Variants in GRM7 observed in about 807,000 individuals in gnomAD.
GRM7 encodes the protein glutamate metabotropic receptor 7, also known as metabotropic glutamate receptor 7.
In GRM7, 35 loss-of-function variants were observed where a neutral mutation model predicts 84.5. The observed-to-expected ratio is 0.41, with a 90% confidence interval of 0.32 to 0.55. GRM7 has a LOEUF of 0.55. GRM7 is among the 20% of genes least tolerant of loss of function. The pLI is 0.19. For synonymous variants in GRM7, 487 were observed against 455.1 expected (o/e 1.07, Z -0.89); for missense variants, 1,003 against 1,194.6 (o/e 0.84, Z 2.36).
intron 1 of GRM7, among the ~76,000 whole-genome samples, chr3:7,136,522 T>C (rs1693777305): frequency 2.0e-5 from 3 of 146,526 alleles, no homozygotes; most frequent in Admixed American, 2.0e-4. Flanking sequence ...GCTTTCTTTC[T>C]CCTACATTCC....
chr3:7,687,253 A>G (rs567223977), intron 9 of GRM7, among the ~76,000 whole-genome samples: 45 of 152,314 alleles, frequency 3.0e-4, no homozygotes, highest in African/African-American at 8.9e-4. Context: ...GTGATGTGTG[A>G]ACTGGCCACA....
At chr3:7,288,908 C>T (rs1278669756) in intron 2 of GRM7, among the ~76,000 whole-genome samples, 1 of 152,124 alleles carries the variant, frequency 6.6e-6, no homozygotes, top group Non-Finnish European at 1.5e-5. Context: ...TTGAAGTTTT[C>T]TGGATGGATC....
chr3:7,244,505 T>G (rs191286397), intron 2 of GRM7, among the ~76,000 whole-genome samples: 47 of 152,256 alleles, frequency 3.1e-4, no homozygotes, highest in Non-Finnish European at 6.5e-4. Context: ...CTGTCCATTT[T>G]TTTTGAAGAC....
chr3:7,032,113 A>G (rs1696210990), intron 1 of GRM7, among the ~76,000 whole-genome samples: 1 of 152,206 alleles, frequency 6.6e-6, no homozygotes, highest in Admixed American at 6.5e-5. Flanking sequence ...GTCAGTCACT[A>G]TGGAAGTTAA....
At chr3:7,324,263 C>G (rs1197321887) in intron 4 of GRM7, among the ~76,000 whole-genome samples, 1 of 152,142 alleles carries the variant, frequency 6.6e-6, no homozygotes, top group African/African-American at 2.4e-5. Flanking sequence ...AATCTAGTTA[C>G]TCTCCTTAGT....
chr3:7,497,296 C>G (rs1430781548), intron 7 of GRM7, among the ~76,000 whole-genome samples: 1 of 152,156 alleles, frequency 6.6e-6, no homozygotes, highest in Non-Finnish European at 1.5e-5. Flanking sequence ...ACATCACAGC[C>G]AAGCTGTCAC....
chr3:7,593,613 G>A (rs1247187157), intron 8 of GRM7, among the ~76,000 whole-genome samples: 2 of 152,172 alleles, frequency 1.3e-5, no homozygotes, highest in Non-Finnish European at 2.9e-5. Context: ...AAATGAAATA[G>A]CAAAAGGAAA....
chr3:7,326,022 A>G (rs887999220), intron 4 of GRM7, among the ~76,000 whole-genome samples: 1 of 152,018 alleles, frequency 6.6e-6, no homozygotes, highest in Non-Finnish European at 1.5e-5. Flanking sequence ...TGTCTAAGAA[A>G]ATAAACTACC....
At chr3:7,335,954 C>T (rs1186839131) in intron 4 of GRM7, among the ~76,000 whole-genome samples, 1 of 152,022 alleles carries the variant, frequency 6.6e-6, no homozygotes, top group Admixed American at 6.6e-5. Flanking sequence ...GGATTCACAG[C>T]TGAATTCTAT....
At chr3:7,504,682 A>G (rs1384076026) in intron 7 of GRM7, among the ~76,000 whole-genome samples, 2 of 152,320 alleles carry the variant, frequency 1.3e-5, no homozygotes, top group East Asian at 3.9e-4. Flanking sequence ...ATTCAATCCC[A>G]TGATAGCAAC....
chr3:6,870,331 A>G (rs1695080823), intron 1 of GRM7, among the ~76,000 whole-genome samples: 1 of 152,172 alleles, frequency 6.6e-6, no homozygotes, highest in East Asian at 1.9e-4. Context: ...ATTTAGGGGA[A>G]GACCACTCCC....
At chr3:7,635,623 C>A (rs1698060461) in intron 8 of GRM7, among the ~76,000 whole-genome samples, 1 of 152,164 alleles carries the variant, frequency 6.6e-6, no homozygotes, top group Non-Finnish European at 1.5e-5. Flanking sequence ...GGCCCGCAGT[C>A]CTCTATCGAA....
intron 1 of GRM7, among the ~76,000 whole-genome samples, chr3:7,068,373 C>T (rs992592245): frequency 4.6e-5 from 7 of 151,980 alleles, no homozygotes; most frequent in African/African-American, 1.4e-4. Context: ...GATTTAAACA[C>T]TGTTTTGCTC....
intron 4 of GRM7, among the ~76,000 whole-genome samples, chr3:7,367,715 G>T (rs544928387): frequency 6.6e-6 from 1 of 151,366 alleles, no homozygotes. Flanking sequence ...AGTTCTAGGA[G>T]AGAAGGAGAA....
intron 8 of GRM7, among the ~76,000 whole-genome samples, chr3:7,673,315 G>C (rs1699998197): frequency 6.6e-6 from 1 of 152,192 alleles, no homozygotes; most frequent in African/African-American, 2.4e-5. Context: ...TGCTTCAAGT[G>C]TCGAACTTTC....
intron 1 of GRM7, among the ~76,000 whole-genome samples, chr3:7,113,946 A>C (rs572324170): frequency 2.0e-5 from 3 of 152,170 alleles, no homozygotes; most frequent in Admixed American, 6.5e-5. Flanking sequence ...AGATTAAGTA[A>C]GTTTTCAAAG....
intron 1 of GRM7, among the ~76,000 whole-genome samples, chr3:7,043,435 TG>T (rs998220594): frequency 6.6e-6 from 1 of 152,162 alleles, no homozygotes; most frequent in African/African-American, 2.4e-5. Context: ...TGTAGCAAAC[TG>T]GGGGCAACCA....
chr3:7,494,642 T>A (rs1699635398), intron 7 of GRM7, among the ~76,000 whole-genome samples: 1 of 152,202 alleles, frequency 6.6e-6, no homozygotes, highest in South Asian at 2.1e-4. Flanking sequence ...TTCGTTTTTA[T>A]CAGTCTGTTG....
chr3:7,229,538 C>G (rs746071491), intron 2 of GRM7, among the ~76,000 whole-genome samples: 8 of 150,950 alleles, frequency 5.3e-5, no homozygotes, highest in Non-Finnish European at 1.0e-4. Context: ...AGTGATTTTT[C>G]CATTATTTGT....
Sources: allele counts gnomAD v4.1 joint callset (sites outside exome capture counted in the v4.1 genomes callset), GRCh38; gene constraint gnomAD v4.1.1; transcripts MANE v1.5; gene names NCBI Gene and HGNC (gene_info 2026-07-23, HGNC 2026-07-21).